Variants in RHOT1 observed in about 807,000 individuals in gnomAD.
RHOT1 encodes ras homolog family member T1, also known as mitochondrial Rho GTPase 1.
In RHOT1, 27 loss-of-function variants were observed where a neutral mutation model predicts 95.3. The ratio of observed to expected loss-of-function variants is 0.28; its 90% CI spans 0.21 to 0.39. RHOT1 has a LOEUF of 0.39. Among genes scored for constraint, RHOT1 ranks in the 10% least tolerant of loss-of-function variants. The pLI is 1.00. For synonymous variants in RHOT1, 227 were observed against 263.5 expected (o/e 0.86, Z 1.34); for missense variants, 578 against 786.7 (o/e 0.73, Z 3.17).
At chr17:32,148,364 A>G (rs894980651) in intron 1 of RHOT1, among the ~76,000 whole-genome samples, 49 of 152,354 alleles carry the variant, frequency 3.2e-4, no homozygotes, top group African/African-American at 1.1e-3. Context: ...CAAAGTTCAA[A>G]CATCCCTGGC....
chr17:32,175,911 C>A, intron 4 of RHOT1, 51 bp from the exon 5 acceptor site: 1 of 1,271,648 alleles, frequency 7.9e-7, no homozygotes, highest in South Asian at 1.5e-5. Context: ...TAAGTGCTGT[C>A]TATGTTTTTA....
chr17:32,150,268 A>G (rs1044943412), intron 1 of RHOT1, among the ~76,000 whole-genome samples: 4 of 152,188 alleles, frequency 2.6e-5, no homozygotes, highest in African/African-American at 9.6e-5. Flanking sequence ...GAAACACAAA[A>G]ATGATACTGA....
intron 14 of RHOT1, among the ~76,000 whole-genome samples, chr17:32,201,425 A>C (rs1302914976): frequency 6.6e-6 from 1 of 152,244 alleles, no homozygotes; most frequent in Non-Finnish European, 1.5e-5. Context: ...CTTGTAAGCC[A>C]GGCATTCTTG....
intron 18 of RHOT1, chr17:32,208,566 A>C (rs934660488): frequency 1.9e-5 from 7 of 366,848 alleles, no homozygotes; most frequent in African/African-American, 1.4e-4. Context: ...ACAATAAAAC[A>C]CAACCCCCCA....
intron 6 of RHOT1, chr17:32,180,221 G>C (rs2035515683): frequency 6.5e-6 from 1 of 154,720 alleles, no homozygotes; most frequent in Admixed American, 6.5e-5. Context: ...AGAAAAGGGG[G>C]AAATGTGGGG....
At chr17:32,149,863 C>T (rs1363114584) in intron 1 of RHOT1, among the ~76,000 whole-genome samples, 1 of 151,760 alleles carries the variant, frequency 6.6e-6, no homozygotes, top group African/African-American at 2.4e-5. Context: ...ATTCTCTTGC[C>T]TCAGCCTCCA....
At chr17:32,153,510 A>G (rs2032575916) in intron 1 of RHOT1, among the ~76,000 whole-genome samples, 1 of 152,184 alleles carries the variant, frequency 6.6e-6, no homozygotes. Flanking sequence ...AATTTTTAAA[A>G]TTAGCTGGGT....
intron 9 of RHOT1, among the ~76,000 whole-genome samples, chr17:32,192,863 G>A (rs1370363288): frequency 6.6e-6 from 1 of 151,752 alleles, no homozygotes; most frequent in Non-Finnish European, 1.5e-5. Context: ...GTAGAGACGG[G>A]GTTTCACCAT....
rs973822010 is a variant in RHOT1 at position 32,202,679 on chromosome 17, G to A, written c.1202-91G>A. 1.9e-5 allele frequency: 16 copies of A among 828,494 alleles called. No homozygotes were observed. The African/African-American group carries it at 2.8e-4, about 14-fold the overall frequency. 51.3% of individuals were successfully genotyped at this position (828,494 alleles called of 1,614,324 possible). ...AGCTACTTCATAAAAATAATAAGCA[G>A]CAATGCCCTATTTTGCAAAAGGTGG... On this transcript the variant is annotated intron_variant, in intron 14 of 19. Transcript: ENST00000545287.
At chr17:32,146,413 T>C (rs572591824) in intron 1 of RHOT1, among the ~76,000 whole-genome samples, 3 of 152,032 alleles carry the variant, frequency 2.0e-5, no homozygotes, top group Non-Finnish European at 2.9e-5. Flanking sequence ...TCATAAAAAT[T>C]TGATCATTTT....
intron 1 of RHOT1, among the ~76,000 whole-genome samples, chr17:32,145,120 C>A (rs921647391): frequency 2.6e-5 from 4 of 151,978 alleles, no homozygotes; most frequent in African/African-American, 9.7e-5. Flanking sequence ...ACCAACATGA[C>A]GAAACCCAGT....
At chr17:32,196,542 T>C (rs1035189161) in intron 11 of RHOT1, among the ~76,000 whole-genome samples, 3 of 152,170 alleles carry the variant, frequency 2.0e-5, no homozygotes, top group Admixed American at 2.0e-4. Flanking sequence ...TGATCTGTTC[T>C]CCTCATGCAC....
intron 1 of RHOT1, among the ~76,000 whole-genome samples, chr17:32,156,431 T>C (rs2032972328): frequency 6.6e-6 from 1 of 152,204 alleles, no homozygotes; most frequent in Admixed American, 6.5e-5. Context: ...CATGCCTGGC[T>C]AATTTTTAAA....
chr17:32,209,462 T>A (rs1443889055), intron 18 of RHOT1: 1 of 1,388,486 alleles, frequency 7.2e-7, no homozygotes. Flanking sequence ...TACTTTTTCT[T>A]TATGACTTCT....
intron 1 of RHOT1, among the ~76,000 whole-genome samples, chr17:32,158,728 G>A (rs1183121527): frequency 6.6e-6 from 1 of 152,158 alleles, no homozygotes; most frequent in Non-Finnish European, 1.5e-5. Context: ...AAAGTGCTGG[G>A]ATTGCAGGCA....
At chr17:32,221,702 T>C (rs1351395258) in intron 19 of RHOT1, among the ~76,000 whole-genome samples, 1 of 152,216 alleles carries the variant, frequency 6.6e-6, no homozygotes, top group Non-Finnish European at 1.5e-5. Flanking sequence ...ATTTTATAAG[T>C]TAATAGTTAC....
chr17:32,168,934 G>A (rs997883858), intron 1 of RHOT1, among the ~76,000 whole-genome samples: 1 of 152,138 alleles, frequency 6.6e-6, no homozygotes, highest in African/African-American at 2.4e-5. Context: ...TGTGATGATG[G>A]ATTCACGGAC....
At chr17:32,147,294 C>A (rs2031504839) in intron 1 of RHOT1, among the ~76,000 whole-genome samples, 1 of 152,070 alleles carries the variant, frequency 6.6e-6, no homozygotes, top group South Asian at 2.1e-4. Context: ...ATCCACCCAC[C>A]TTGGCCTCCT....
At chr17:32,170,323 G>A (rs557263213) in intron 1 of RHOT1, among the ~76,000 whole-genome samples, 193 of 152,118 alleles carry the variant, frequency 1.3e-3, no homozygotes, top group African/African-American at 4.5e-3. Context: ...GCTAAGGCAC[G>A]AGAATCGCAT....
Sources: allele counts gnomAD v4.1 joint callset (sites outside exome capture counted in the v4.1 genomes callset), GRCh38; gene constraint gnomAD v4.1.1; transcripts MANE v1.5; gene names NCBI Gene and HGNC (gene_info 2026-07-23, HGNC 2026-07-21).